The following FAM156A variants were observed in gnomAD, a reference collection of about 807,000 sequenced individuals.
FAM156A encodes family with sequence similarity 156 member A.
At chrX:52,992,666 T>C (rs944420270) in intron 1 of FAM156A, among the ~76,000 whole-genome samples, 1 of 108,184 alleles carries the variant, frequency 9.2e-6, no homozygotes, top group Non-Finnish European at 1.9e-5. Flanking sequence ...TGACAAGCAA[T>C]AAGCTGCACG....
intron 1 of FAM156A, among the ~76,000 whole-genome samples, chrX:52,974,209 TA>T (rs1360977230): frequency 8.9e-6 from 1 of 112,114 alleles, no homozygotes; most frequent in Non-Finnish European, 1.9e-5. Flanking sequence ...ACATATAATG[TA>T]AGACAACAAT....
chrX:52,980,125 G>A (rs1432613303), intron 1 of FAM156A, among the ~76,000 whole-genome samples: 1 of 112,008 alleles, frequency 8.9e-6, no homozygotes, highest in African/African-American at 3.2e-5. Context: ...CTGTAAACTG[G>A]GTGGCGGGGG....
intron 1 of FAM156A, among the ~76,000 whole-genome samples, chrX:52,973,438 G>A (rs781922671): frequency 1.3e-4 from 14 of 108,643 alleles, no homozygotes; most frequent in Non-Finnish European, 1.9e-4. Flanking sequence ...CAGAATCTGT[G>A]CAACCCAGAA....
intron 1 of FAM156A, among the ~76,000 whole-genome samples, chrX:52,983,519 C>A (rs1930050453): frequency 8.9e-6 from 1 of 112,298 alleles, no homozygotes; most frequent in South Asian, 3.7e-4. Flanking sequence ...GAAGAAAAGG[C>A]TGGAGAAATT....
chrX:52,979,601 C>G (rs782618264), intron 1 of FAM156A, among the ~76,000 whole-genome samples: 1 of 111,265 alleles, frequency 9.0e-6, no homozygotes, highest in East Asian at 2.8e-4. Flanking sequence ...CCTCCTATGT[C>G]ACAGCCTGGA....
chrX:52,991,258 G>C (rs1236727317), intron 1 of FAM156A, among the ~76,000 whole-genome samples: 2 of 111,126 alleles, frequency 1.8e-5, no homozygotes, highest in Non-Finnish European at 3.8e-5. Flanking sequence ...CCAAAGGCCT[G>C]AGAACCAGCA....
intron 1 of FAM156A, among the ~76,000 whole-genome samples, chrX:52,994,718 T>C (rs1556796298): frequency 9.0e-6 from 1 of 111,431 alleles, no homozygotes; most frequent in Admixed American, 9.5e-5. Context: ...CTCATGTCTG[T>C]AATCCCAGCA....
rs782254538 is a variant in FAM156A at position 52,988,479 on chromosome X, G to A, written c.-434+6827C>T. Among the ~76,000 whole-genome samples the A allele has an allele frequency of 3.6e-5, 4 of 110,875 alleles. No homozygotes were observed. The East Asian group carries it at 1.1e-3, about 31-fold the overall frequency. ...CAAGGAACCCAGGAAGTTCTTTGGG[G>A]TGATGCATATGTTCTGGATACTGAC... On this transcript the variant is annotated intron_variant, in intron 1 of 4. Coordinates refer to the FAM156A transcript ENST00000610625.
intron 1 of FAM156A, among the ~76,000 whole-genome samples, chrX:52,993,406 TTC>T (rs1930928470): frequency 1.5e-5 from 1 of 68,712 alleles, no homozygotes; most frequent in African/African-American, 4.9e-5. Flanking sequence ...TGTCTTAACT[TTC>T]TTTTTTTTTT....
intron 1 of FAM156A, among the ~76,000 whole-genome samples, chrX:52,979,628 GAGA>G (rs781862526): frequency 2.7e-5 from 3 of 111,171 alleles, no homozygotes; most frequent in South Asian, 7.7e-4. Context: ...TGTCCTCACT[GAGA>G]AGAAGGACAC....
intron 1 of FAM156A, among the ~76,000 whole-genome samples, chrX:52,993,943 A>G (rs782278118): frequency 3.6e-5 from 4 of 110,962 alleles, no homozygotes; most frequent in Non-Finnish European, 3.8e-5. Flanking sequence ...CAAGATGGAT[A>G]TTGGCCCCAT....
At chrX:52,980,846 G>GTAGA (rs1215741250) in intron 1 of FAM156A, among the ~76,000 whole-genome samples, 1 of 85,773 alleles carries the variant, frequency 1.2e-5, no homozygotes, top group African/African-American at 4.7e-5. Flanking sequence ...GTGTGTGTGT[G>GTAGA]TGTGTAGAGG....
intron 1 of FAM156A, among the ~76,000 whole-genome samples, chrX:52,993,446 A>C (rs1237867308): frequency 2.5e-5 from 2 of 81,442 alleles, no homozygotes; most frequent in Non-Finnish European, 2.2e-5. Flanking sequence ...ACAAAATCTC[A>C]CTCTGTCACC....
intron 1 of FAM156A, among the ~76,000 whole-genome samples, chrX:52,990,739 G>A (rs781998055): frequency 4.7e-5 from 5 of 106,638 alleles, no homozygotes; most frequent in East Asian, 2.9e-4. Flanking sequence ...AGCCGAGATC[G>A]CTCCACTGCA....
At chrX:52,981,452 G>C (rs1929893347) in intron 1 of FAM156A, among the ~76,000 whole-genome samples, 1 of 111,588 alleles carries the variant, frequency 9.0e-6, no homozygotes, top group Non-Finnish European at 1.9e-5. Flanking sequence ...TGGACACCAA[G>C]ACTTTACCCT....
chrX:52,987,719 C>T (rs1556794728), intron 1 of FAM156A, among the ~76,000 whole-genome samples: 1 of 107,641 alleles, frequency 9.3e-6, no homozygotes, highest in Non-Finnish European at 1.9e-5. Context: ...GTCTTTTCAA[C>T]AAATGGTGTT....
intron 1 of FAM156A, among the ~76,000 whole-genome samples, chrX:52,983,595 C>T (rs868992122): frequency 8.9e-6 from 1 of 111,750 alleles, no homozygotes; most frequent in African/African-American, 3.3e-5. Context: ...ATAATTTTTT[C>T]CCTCCCACCT....
intron 1 of FAM156A, among the ~76,000 whole-genome samples, chrX:52,975,743 G>A (rs1228829513): frequency 8.9e-6 from 1 of 112,109 alleles, no homozygotes; most frequent in African/African-American, 3.2e-5. Flanking sequence ...CAGGTGGGCC[G>A]GGCCTTGACC....
intron 1 of FAM156A, among the ~76,000 whole-genome samples, chrX:52,990,926 C>A (rs782796400): frequency 9.0e-6 from 1 of 111,074 alleles, no homozygotes; most frequent in Non-Finnish European, 1.9e-5. Flanking sequence ...GGACTGTGCT[C>A]GGAGCTGGGG....
Sources: allele counts gnomAD v4.1 joint callset (sites outside exome capture counted in the v4.1 genomes callset), GRCh38; gene constraint gnomAD v4.1.1; transcripts MANE v1.5; gene names NCBI Gene and HGNC (gene_info 2026-07-23, HGNC 2026-07-21).